Variants in HNF4G observed in about 807,000 individuals in gnomAD.
The protein encoded by HNF4G is hepatocyte nuclear factor 4-gamma.
Under a neutral mutation model 50.9 loss-of-function variants are expected in HNF4G, and 21 were observed. That is an observed-to-expected ratio of 0.41 (90% CI 0.29 to 0.59). The LOEUF (loss-of-function observed/expected upper bound fraction) is 0.59, where lower values mean the gene tolerates loss of function less well. Ranked by LOEUF, HNF4G falls within the 20% of genes least tolerant of loss-of-function variation. The probability of loss-of-function intolerance (pLI) is 0.26; values close to 1 mark genes in which losing one functional copy is unlikely to be tolerated. For missense variants in HNF4G, 527 were observed against 559.4 expected (o/e 0.94, Z 0.58); for synonymous variants, 198 against 185.6 (o/e 1.07, Z -0.54).
intron 1 of HNF4G, among the ~76,000 whole-genome samples, chr8:75,420,453 G>T (rs568486823): frequency 6.6e-6 from 1 of 152,200 alleles, no homozygotes; most frequent in African/African-American, 2.4e-5. Context: ...GGCCTCAGCC[G>T]TCTCTCTTTT....
At chr8:75,436,540 C>T (rs1038773374) in intron 1 of HNF4G, among the ~76,000 whole-genome samples, 3 of 152,000 alleles carry the variant, frequency 2.0e-5, no homozygotes, top group Non-Finnish European at 2.9e-5. Context: ...GGGTAGTTGC[C>T]CGAACAAAAG....
intron 5 of HNF4G, 130 bp downstream of exon 5, chr8:75,553,327 G>A: frequency 1.4e-6 from 1 of 740,370 alleles, no homozygotes; most frequent in Non-Finnish European, 2.1e-6. Flanking sequence ...TTAGGAGGAA[G>A]GATTGGGTTT....
intron 1 of HNF4G, among the ~76,000 whole-genome samples, chr8:75,432,922 T>C (rs1811046566): frequency 6.6e-6 from 1 of 152,208 alleles, no homozygotes; most frequent in Non-Finnish European, 1.5e-5. Context: ...ACATATTTAA[T>C]GAATTGAAGC....
chr8:75,468,171 A>G (rs1369508546), intron 1 of HNF4G, among the ~76,000 whole-genome samples: 1 of 152,138 alleles, frequency 6.6e-6, no homozygotes, highest in African/African-American at 2.4e-5. Flanking sequence ...ATTTAATTCT[A>G]TAATATAGTT....
chr8:75,478,119 C>T (rs1411199819), intron 1 of HNF4G, among the ~76,000 whole-genome samples: 1 of 152,064 alleles, frequency 6.6e-6, no homozygotes. Flanking sequence ...CGAGACAAGC[C>T]TGGGCAACAT....
chr8:75,420,173 C>T (rs771551278), intron 1 of HNF4G, among the ~76,000 whole-genome samples: 1 of 152,106 alleles, frequency 6.6e-6, no homozygotes, highest in Non-Finnish European at 1.5e-5. Context: ...TAGAGATCTG[C>T]CAATATTAAC....
chr8:75,549,042 A>G (rs948673590), intron 3 of HNF4G, among the ~76,000 whole-genome samples: 1 of 152,202 alleles, frequency 6.6e-6, no homozygotes, highest in Non-Finnish European at 1.5e-5. Flanking sequence ...CTTGAACTCC[A>G]TGTTTATCCC....
intron 1 of HNF4G, among the ~76,000 whole-genome samples, chr8:75,483,482 C>G (rs1321577138): frequency 6.6e-6 from 1 of 152,134 alleles, no homozygotes; most frequent in Non-Finnish European, 1.5e-5. Flanking sequence ...GGTGCTCGGC[C>G]CCTCCCTGCA....
intron 1 of HNF4G, among the ~76,000 whole-genome samples, chr8:75,462,669 C>G (rs1811882091): frequency 6.6e-6 from 1 of 152,096 alleles, no homozygotes; most frequent in African/African-American, 2.4e-5. Flanking sequence ...AATACAATCA[C>G]AGAGATTAAT....
chr8:75,508,988 G>A lies in HNF4G; in HGVS notation c.-24+18780G>A, dbSNP rs574196066. Reference sequence around the variant, plus strand: ...GAAAGACGAACTGGAAGTGACTATAGGCCTGAGAGTCTGGTTAGGGAGACA... The same window carrying A: ...GAAAGACGAACTGGAAGTGACTATAAGCCTGAGAGTCTGGTTAGGGAGACA... On this transcript the variant is annotated intron_variant, in intron 2 of 10. Transcript: ENST00000354370. Among the ~76,000 whole-genome samples, 30 of 152,274 alleles carry A rather than the reference G, an allele frequency of 2.0e-4. No individual in the cohort carries two copies. The South Asian group carries it at 6.2e-3, about 32-fold the overall frequency.
At chr8:75,514,998 C>G (rs1011768690) in intron 2 of HNF4G, among the ~76,000 whole-genome samples, 1 of 151,800 alleles carries the variant, frequency 6.6e-6, no homozygotes, top group Non-Finnish European at 1.5e-5. Context: ...AATATAAACC[C>G]TTAAGAAGTT....
intron 1 of HNF4G, among the ~76,000 whole-genome samples, chr8:75,419,710 C>A (rs1292984377): frequency 6.6e-6 from 1 of 152,230 alleles, no homozygotes; most frequent in Admixed American, 6.5e-5. Flanking sequence ...AATGTAATTG[C>A]AGCTCATGGA....
At chr8:75,551,546 T>C in intron 4 of HNF4G, 52 bp downstream of exon 4, 1 of 1,037,136 alleles carries the variant, frequency 9.6e-7, no homozygotes, top group Non-Finnish European at 1.5e-6. Context: ...CAAATGTCCA[T>C]GTAGGCATCA....
At chr8:75,436,728 C>G (rs1157252560) in intron 1 of HNF4G, among the ~76,000 whole-genome samples, 1 of 152,198 alleles carries the variant, frequency 6.6e-6, no homozygotes, top group Non-Finnish European at 1.5e-5. Context: ...TAAAGAGACA[C>G]TGAAACATAT....
chr8:75,464,698 T>A (rs569980633), intron 1 of HNF4G, among the ~76,000 whole-genome samples: 1 of 152,340 alleles, frequency 6.6e-6, no homozygotes, highest in East Asian at 1.9e-4. Flanking sequence ...ATTAATAATG[T>A]GAGATATTAG....
rs878875178 is a variant in HNF4G at position 75,563,965 on chromosome 8, T to TC, written c.1247-9dup. 9.9e-6 allele frequency: 16 copies of TC among 1,613,050 alleles called. 1 individual carries two copies. Among genetic ancestry groups the TC allele is most frequent in the East Asian group, 6.7e-5 (3 of 44,860 alleles). ...CCACCATTAGACTCAATTCTCTGATTCTTTTTCAGCAACTCCTGAAACCCC... is the reference window on the plus strand; with the variant it reads ...CCACCATTAGACTCAATTCTCTGATTCCTTTTTCAGCAACTCCTGAAACCCC... On this transcript the variant is annotated splice_polypyrimidine_tract_variant and intron_variant, in intron 9 of 9. Coordinates refer to ENST00000396423, the MANE Select transcript of HNF4G (RefSeq NM_004133.5).
At chr8:75,561,220 C>G (rs1047970240) in intron 9 of HNF4G, among the ~76,000 whole-genome samples, 7 of 152,134 alleles carry the variant, frequency 4.6e-5, no homozygotes, top group Non-Finnish European at 1.0e-4. Context: ...CACCTTCTCC[C>G]CTTTCGACAC....
Position 75,558,588 on chromosome 8 carries a change from T to G in HNF4G, c.804T>G (p.Asp268Glu). 6.2e-7 allele frequency: 1 copy of G among 1,613,712 alleles called. No individual in the cohort carries two copies. The highest frequency in any genetic ancestry group is 8.5e-7 in the Non-Finnish European group (1 of 1,179,618). The change falls in exon 7 of 10, where the codon GAT (aspartate) becomes GAG (glutamate). Residue 268 changes from aspartate to glutamate, a missense_variant. Asp to Glu is a conservative substitution (Grantham distance 45, BLOSUM62 2). This residue lies in a region of HNF4G where 308 missense variants were observed against 301.5 expected (regional missense o/e 1.02). Transcript: ENST00000396423. Reference protein sequence around the residue: ...EISRVANRVLDELVRPFQEIQ... With the variant: ...EISRVANRVLEELVRPFQEIQ... ...GCCGTGTGGCCAATCGTGTTCTAGA[T>G]GAGCTGGTTAGACCATTTCAAGAAA... is the stretch of plus-strand genomic sequence containing the variant.
intron 1 of HNF4G, among the ~76,000 whole-genome samples, chr8:75,427,485 G>A (rs1810916451): frequency 6.6e-6 from 1 of 151,986 alleles, no homozygotes; most frequent in South Asian, 2.1e-4. Flanking sequence ...GCTGAGGCAG[G>A]AGAATTGCTT....
Sources: allele counts gnomAD v4.1 joint callset (sites outside exome capture counted in the v4.1 genomes callset), GRCh38; gene constraint gnomAD v4.1.1; regional missense constraint gnomAD v4.1.1; transcripts MANE v1.5; gene names NCBI Gene and HGNC (gene_info 2026-07-23, HGNC 2026-07-21).